QPCT: variants seen among roughly 807,000 people sequenced by gnomAD.
QPCT encodes the protein EC.
QPCT carries 44 observed loss-of-function variants against 43.4 expected under a neutral mutation model. The ratio of observed to expected loss-of-function variants is 1.01; its 90% CI spans 0.80 to 1.30. The LOEUF is 1.30. QPCT is among the 50% of genes most tolerant of loss of function. QPCT has a pLI of 0.00. For synonymous variants in QPCT, 168 were observed against 168.4 expected, an observed-to-expected ratio of 1.00 and a Z score of 0.02; for missense variants, 526 against 436.5, an observed-to-expected ratio of 1.21 and a Z score of -1.83.
rs1310138314 is a variant in QPCT, at chr2:37,352,910, C to A, written c.242C>A (p.Ser81Tyr). The change falls in exon 2 of 7, where the codon TCC becomes TAC. Residue 81 changes from serine (S) to tyrosine (Y), a missense_variant. Coordinates refer to ENST00000338415, the MANE Select transcript of QPCT (RefSeq NM_012413.4). Reference sequence around the variant, plus strand: ...TTGCTGATAGAGCGATACCCGGGATCCCCTGGAAGCTATGCTGCTCGTCAG... The same window carrying A: ...TTGCTGATAGAGCGATACCCGGGATACCCTGGAAGCTATGCTGCTCGTCAG... Reference protein sequence around the residue: ...QPLLIERYPGSPGSYAARQHI... With the variant: ...QPLLIERYPGYPGSYAARQHI... The A allele has an allele frequency of 1.2e-6, 2 of 1,613,904 alleles. No individual in the cohort carries two copies. The highest frequency in any genetic ancestry group is 1.1e-5 in the South Asian group (1 of 91,072).
intron 5 of QPCT, among the ~76,000 whole-genome samples, chr2:37,371,431 CAAA>C (rs3050580): frequency 0.047 from 3,271 of 69,152 alleles, 82 homozygotes; most frequent in African/African-American, 0.15. Flanking sequence ...GACTCCATCT[CAAA>C]AAAAAAAAAA....
At chr2:37,357,501 G>A (rs1391261851) in intron 2 of QPCT, among the ~76,000 whole-genome samples, 1 of 152,130 alleles carries the variant, frequency 6.6e-6, no homozygotes, top group Non-Finnish European at 1.5e-5. Flanking sequence ...ATAGCCTACT[G>A]TGAGCAAAGC....
chr2:37,347,845 T>C (rs996192416), intron 1 of QPCT, among the ~76,000 whole-genome samples: 1 of 152,208 alleles, frequency 6.6e-6, no homozygotes, highest in African/African-American at 2.4e-5. Flanking sequence ...CTTTATATGC[T>C]CTTTAAAAAT....
At chr2:37,365,227 A>G (rs1177071564) in intron 3 of QPCT, among the ~76,000 whole-genome samples, 1 of 152,084 alleles carries the variant, frequency 6.6e-6, no homozygotes, top group Non-Finnish European at 1.5e-5. Flanking sequence ...TAGTGTGAAG[A>G]GGGAAGGGAG....
Position 37,372,350 on chromosome 2 carries a change from C to T in QPCT, c.824-6C>T, listed in dbSNP as rs192361161. On this transcript the variant is annotated splice_polypyrimidine_tract_variant and splice_region_variant and intron_variant, in intron 5 of 6. Transcript: ENST00000338415. ...TGTTCATTTACTGTATAATTGTCAT[C>T]TACAGAACATGAACTTCATGAATTG... The T allele has an allele frequency of 6.6e-4, 1,036 of 1,581,442 alleles. 1 individual carries two copies. Among genetic ancestry groups the T allele is most frequent in the Middle Eastern group, 2.7e-3 (16 of 5,990 alleles).
Position 37,359,753 on chromosome 2 carries a change from C to T in QPCT, c.441C>T (p.Ser147=), listed in dbSNP as rs773653626. ...LACHYDSKYF[S]HWNNRVFVGA... is the part of the protein sequence containing the mutation. ...GCCACTATGACTCCAAGTATTTTTC[C>T]CACTGGAACAACAGAGTGTTTGTAG... is the stretch of plus-strand genomic sequence containing the variant. The change falls in exon 3 of 7, where the codon TCC becomes TCT. Residue 147 remains serine, a synonymous_variant. Transcript: ENST00000338415. The T allele has an allele frequency of 1.2e-6, 2 of 1,614,090 alleles. No homozygotes were observed. Among genetic ancestry groups the T allele is most frequent in the South Asian group, 1.1e-5 (1 of 91,070 alleles).
chr2:37,346,340 A>G (rs1207371003), intron 1 of QPCT, among the ~76,000 whole-genome samples: 1 of 152,202 alleles, frequency 6.6e-6, no homozygotes, highest in Non-Finnish European at 1.5e-5. Flanking sequence ...GGAATGACAC[A>G]CAAAAAATCC....
intron 2 of QPCT, among the ~76,000 whole-genome samples, chr2:37,357,203 T>G (rs1278725393): frequency 1.3e-5 from 2 of 152,176 alleles, no homozygotes; most frequent in Non-Finnish European, 2.9e-5. Context: ...TTTGTGAGCT[T>G]GCAATCTGCA....
chr2:37,363,323 C>CA (rs1256507154), intron 3 of QPCT, among the ~76,000 whole-genome samples: 1 of 152,054 alleles, frequency 6.6e-6, no homozygotes, highest in East Asian at 1.9e-4. Context: ...TGAGGACAGA[C>CA]TCCAGCATGA....
intron 3 of QPCT, among the ~76,000 whole-genome samples, chr2:37,365,306 G>A (rs1210536352): frequency 6.6e-6 from 1 of 152,124 alleles, no homozygotes. Context: ...AGCAAGTGTA[G>A]CCAGGAGGGA....
chr2:37,365,568 A>G (rs1364040946), intron 3 of QPCT, among the ~76,000 whole-genome samples: 1 of 152,250 alleles, frequency 6.6e-6, no homozygotes, highest in East Asian at 1.9e-4. Context: ...AGTGAGGTCA[A>G]ATATTTTAAG....
chr2:37,357,400 A>G (rs1318202047), intron 2 of QPCT, among the ~76,000 whole-genome samples: 2 of 150,004 alleles, frequency 1.3e-5, no homozygotes, highest in African/African-American at 4.9e-5. Flanking sequence ...ATTTCTCTCT[A>G]TTCAAACTAT....
chr2:37,350,699 G>A (rs1489769227), intron 1 of QPCT, among the ~76,000 whole-genome samples: 1 of 152,154 alleles, frequency 6.6e-6, no homozygotes, highest in Non-Finnish European at 1.5e-5. Context: ...ATGAATCTCA[G>A]TTTCCACTAA....
intron 5 of QPCT, among the ~76,000 whole-genome samples, chr2:37,371,237 T>C (rs574672221): frequency 2.0e-5 from 3 of 152,154 alleles, no homozygotes; most frequent in Non-Finnish European, 4.4e-5. Context: ...CTTTCAAGGA[T>C]TTTGTGCACT....
intron 1 of QPCT, among the ~76,000 whole-genome samples, chr2:37,349,749 G>A (rs749348835): frequency 2.6e-5 from 4 of 152,142 alleles, no homozygotes; most frequent in Non-Finnish European, 5.9e-5. Flanking sequence ...GCACTTCCTG[G>A]CCATTGCAGC....
At chr2:37,354,412 T>C (rs1672697606) in intron 2 of QPCT, among the ~76,000 whole-genome samples, 1 of 152,226 alleles carries the variant, frequency 6.6e-6, no homozygotes, top group Admixed American at 6.5e-5. Flanking sequence ...CTGAGTTCTT[T>C]GCATAGATCA....
chr2:37,359,689 C>G lies in QPCT; in HGVS notation c.377C>G (p.Thr126Ser), dbSNP rs777244922. ...CGGTCTTTCTCAAATATCATCAGCACCCTCAATCCCACTGCTAAACGACAT... is the reference window on the plus strand; with the variant it reads ...CGGTCTTTCTCAAATATCATCAGCAGCCTCAATCCCACTGCTAAACGACAT... ...GYRSFSNIIS[T>S]LNPTAKRHLV... The change falls in exon 3 of 7, where the codon ACC (threonine) becomes AGC (serine). Residue 126 changes from threonine (T) to serine (S), a missense_variant. By Grantham distance (58) the Thr-to-Ser change is moderately conservative. Coordinates refer to ENST00000338415, the MANE Select transcript of QPCT (RefSeq NM_012413.4). The G allele has an allele frequency of 3.7e-6, 6 of 1,614,102 alleles. No individual in the cohort carries two copies. The highest frequency in any genetic ancestry group is 5.1e-6 in the Non-Finnish European group (6 of 1,180,004).
At chr2:37,369,604 T>A in intron 4 of QPCT, 81 bp from the exon 5 acceptor site, 1 of 1,064,268 alleles carries the variant, frequency 9.4e-7, no homozygotes, top group Non-Finnish European at 1.5e-6. Context: ...TGCAGTTAAT[T>A]TTGACTGATT....
rs1044103055 is a variant in QPCT at position 37,344,639 on chromosome 2, A to G, written c.-93A>G. On this transcript the variant is annotated 5_prime_UTR_variant, in exon 1 of 7. Transcript: ENST00000338415. Reference sequence around the variant, plus strand: ...ATGGGAAGGCGGGCGCAGTCGACCCAAGGGTGGAGAAGAGGGAAGGCGAAG... The same window carrying G: ...ATGGGAAGGCGGGCGCAGTCGACCCGAGGGTGGAGAAGAGGGAAGGCGAAG... The G allele has an allele frequency of 4.7e-6, 7 of 1,498,222 alleles. No homozygotes were observed. The highest frequency in any genetic ancestry group is 5.3e-6 in the Non-Finnish European group (6 of 1,122,994). The allele number at this position is 1,498,222 out of a possible 1,614,324, so 92.8% of individuals were successfully genotyped here.
Sources: allele counts gnomAD v4.1 joint callset (sites outside exome capture counted in the v4.1 genomes callset), GRCh38; gene constraint gnomAD v4.1.1; transcripts MANE v1.5; gene names NCBI Gene and HGNC (gene_info 2026-07-23, HGNC 2026-07-21).